Variants in PRR5L observed in about 807,000 individuals in gnomAD.
PRR5L encodes the protein proline-rich protein 5-like.
Under a neutral mutation model 36.4 loss-of-function variants are expected in PRR5L, and 21 were observed. That is an observed-to-expected ratio of 0.58 (90% CI 0.41 to 0.83). The LOEUF (loss-of-function observed/expected upper bound fraction) is 0.83. Among genes scored for constraint, PRR5L ranks in the 40% least tolerant of loss-of-function variants. PRR5L has a pLI of 0.00. For missense variants in PRR5L, 381 were observed against 473.3 expected, an observed-to-expected ratio of 0.80 and a Z score of 1.81; for synonymous variants, 188 against 197.0, an observed-to-expected ratio of 0.95 and a Z score of 0.38.
At position 36,458,201 on chromosome 11, in the gene PRR5L, T is replaced by C. The variant is rs367934815; in HGVS notation, c.713-4141T>C. The stretch of plus-strand genomic sequence containing the variant: ...ATCTGCTGGGGGGCAGTGTTTGCTA[T>C]TACTTGACTTCAGTGGGTGGGCTGC... On this transcript the variant is annotated intron_variant, in intron 8 of 8. Coordinates refer to ENST00000530639, the MANE Select transcript of PRR5L (RefSeq NM_001160167.2). Among the ~76,000 whole-genome samples the C allele has an allele frequency of 1.2e-4, 18 of 152,320 alleles. No homozygotes were observed. In the East Asian group the frequency reaches 3.3e-3, roughly 28 times the overall value.
At chr11:36,306,426 A>G (rs906841488) in intron 1 of PRR5L, among the ~76,000 whole-genome samples, 2 of 152,060 alleles carry the variant, frequency 1.3e-5, no homozygotes, top group African/African-American at 4.8e-5. Context: ...ATCCTTTTTT[A>G]TGGCTGCATA....
intron 1 of PRR5L, among the ~76,000 whole-genome samples, chr11:36,391,221 T>C (rs1050571913): frequency 2.6e-5 from 4 of 152,214 alleles, no homozygotes; most frequent in African/African-American, 9.7e-5. Context: ...TTTAAGTTGT[T>C]GGGCCATGAT....
chr11:36,462,922 GACC>G lies in PRR5L; in HGVS notation c.*189_*191del, dbSNP rs1299974678. On this transcript the variant is annotated 3_prime_UTR_variant, in exon 9 of 9. Transcript: ENST00000530639. Reference sequence around the variant, plus strand: ...TAAACCTCTTTATTTTGGTGACTGTGACCACTTCTTTGTAGCCACCAATTGTAG... The same window carrying G: ...TAAACCTCTTTATTTTGGTGACTGTGACTTCTTTGTAGCCACCAATTGTAG... 3 of 533,322 alleles carry G rather than the reference GACC, an allele frequency of 5.6e-6. No individual in the cohort carries two copies. In the African/African-American group the frequency reaches 5.8e-5, roughly 10 times the overall value. 33.0% of individuals were successfully genotyped at this position (533,322 alleles called of 1,614,324 possible). A position where few individuals can be genotyped will look rare whatever the true frequency, so the allele number is the denominator to read the frequency against.
chr11:36,402,545 T>C (rs146794136), intron 2 of PRR5L, among the ~76,000 whole-genome samples: 1 of 152,270 alleles, frequency 6.6e-6, no homozygotes, highest in African/African-American at 2.4e-5. Flanking sequence ...GCCCAGCCCA[T>C]TATGGATATT....
rs1859257706 is a variant in PRR5L, at chr11:36,464,572, A to T, written c.*1836A>T. The T allele has an allele frequency of 6.6e-6, 1 of 152,270 alleles. No individual in the cohort carries two copies. Among genetic ancestry groups the T allele is most frequent in the African/African-American group, 2.4e-5 (1 of 41,486 alleles). The allele number at this position is 152,270 out of a possible 1,614,324, so 9.4% of individuals were successfully genotyped here. On this transcript the variant is annotated 3_prime_UTR_variant, in exon 9 of 9. Coordinates refer to ENST00000530639, the MANE Select transcript of PRR5L (RefSeq NM_001160167.2). Reference sequence around the variant, plus strand: ...TGTGTTGGATAAAGTCTACAGACTGACTAACATGCATTAGCAAATGGAGCA... The same window carrying T: ...TGTGTTGGATAAAGTCTACAGACTGTCTAACATGCATTAGCAAATGGAGCA...
At chr11:36,374,857 T>C (rs1036354441) in intron 1 of PRR5L, among the ~76,000 whole-genome samples, 5 of 152,214 alleles carry the variant, frequency 3.3e-5, no homozygotes, top group South Asian at 4.1e-4. Context: ...GGAGCTGCTG[T>C]GGAGACCTTG....
intron 4 of PRR5L, chr11:36,425,489 A>G (rs890262): frequency 0.87 from 131,968 of 152,228 alleles, 57,345 homozygotes; most frequent in African/African-American, 0.9. Flanking sequence ...TTCGTTTTGC[A>G]TGTTCAGCAA....
In PRR5L at chr11:36,437,680, T is replaced by C. The variant is rs147368615; in HGVS notation, c.444+204T>C. Among the ~76,000 whole-genome samples, 122 of 152,352 alleles carry C rather than the reference T, an allele frequency of 8.0e-4. 1 individual carries two copies. The highest frequency in any genetic ancestry group is 2.7e-3 in the African/African-American group (112 of 41,572). On this transcript the variant is annotated intron_variant, in intron 6 of 8. Transcript: ENST00000530639. Reference sequence around the variant, plus strand: ...AAGTGAAGAAGAGTGCCTGCATAACTAGCAATTTGTAGGCTCTTGTTACCC... The same window carrying C: ...AAGTGAAGAAGAGTGCCTGCATAACCAGCAATTTGTAGGCTCTTGTTACCC...
At chr11:36,428,818 C>T (rs916964722) in intron 4 of PRR5L, among the ~76,000 whole-genome samples, 1 of 152,098 alleles carries the variant, frequency 6.6e-6, no homozygotes, top group African/African-American at 2.4e-5. Context: ...GGAAATGGAT[C>T]TACTAAATAT....
intron 6 of PRR5L, among the ~76,000 whole-genome samples, chr11:36,442,540 C>G (rs538878455): frequency 6.6e-6 from 1 of 152,226 alleles, no homozygotes; most frequent in Admixed American, 6.5e-5. Flanking sequence ...TGGGGTTTCA[C>G]CATATTGGCT....
intron 1 of PRR5L, among the ~76,000 whole-genome samples, chr11:36,298,947 C>T (rs546203097): frequency 3.9e-5 from 6 of 152,164 alleles, no homozygotes; most frequent in Admixed American, 6.5e-5. Context: ...TTAAGGCCTA[C>T]CCTAAGGGGT....
chr11:36,303,192 CTT>C (rs1395859696), intron 1 of PRR5L, among the ~76,000 whole-genome samples: 1 of 152,200 alleles, frequency 6.6e-6, no homozygotes, highest in Non-Finnish European at 1.5e-5. Flanking sequence ...GTGATGGTGA[CTT>C]GAACTAAAAC....
At chr11:36,354,094 T>G (rs921754982) in intron 1 of PRR5L, among the ~76,000 whole-genome samples, 3 of 152,208 alleles carry the variant, frequency 2.0e-5, no homozygotes, top group Non-Finnish European at 2.9e-5. Flanking sequence ...CACCTGTGTC[T>G]CAATTCTGGC....
rs143368275 is a variant in PRR5L, at chr11:36,404,546, G to T, written c.245+1168G>T. ...CTCCCAAAGTGCTGGGATTACAGGC[G>T]TGAGCCACTGTGCCTGGCCTCCATC... On this transcript the variant is annotated intron_variant, in intron 3 of 8. Transcript: ENST00000530639. Among the ~76,000 whole-genome samples the T allele has an allele frequency of 4.8e-3, 724 of 152,152 alleles. 8 individuals carry two copies. The highest frequency in any genetic ancestry group is 0.016 in the African/African-American group (681 of 41,506).
chr11:36,378,111 C>T (rs1380254807), intron 1 of PRR5L, among the ~76,000 whole-genome samples: 1 of 152,140 alleles, frequency 6.6e-6, no homozygotes, highest in African/African-American at 2.4e-5. Context: ...GCCCTACATA[C>T]TGCAAAATGT....
chr11:36,415,725 C>G (rs1337266482), intron 3 of PRR5L, among the ~76,000 whole-genome samples: 1 of 152,158 alleles, frequency 6.6e-6, no homozygotes, highest in Non-Finnish European at 1.5e-5. Context: ...GCTTGGGCAA[C>G]AGAGTGCAAC....
intron 3 of PRR5L, among the ~76,000 whole-genome samples, chr11:36,409,393 G>A (rs549651912): frequency 4.9e-4 from 74 of 152,310 alleles, no homozygotes; most frequent in Non-Finnish European, 8.2e-4. Context: ...CTTGTTGGGA[G>A]GGGGGAGGTG....
chr11:36,351,786 T>TATATATATTTATATATATA (rs1565409777), intron 1 of PRR5L, among the ~76,000 whole-genome samples: 2 of 128,478 alleles, frequency 1.6e-5, no homozygotes, highest in Admixed American at 2.0e-4. Context: ...TTTATATATT[T>TATATATATTTATATATATA]TTTTTATATA....
intron 1 of PRR5L, among the ~76,000 whole-genome samples, chr11:36,351,458 TA>T (rs1856951478): frequency 1.6e-5 from 1 of 61,570 alleles, no homozygotes; most frequent in African/African-American, 6.5e-5. Flanking sequence ...TTTATATATT[TA>T]TATATTTATA....
Sources: gnomAD v4.1 joint callset for allele counts (sites outside exome capture counted in the v4.1 genomes callset) on GRCh38, gnomAD v4.1.1 for gene constraint, MANE v1.5 for transcripts, NCBI Gene and HGNC (gene_info 2026-07-23, HGNC 2026-07-21) for gene names.